Variants in LDB2 observed in about 807,000 individuals in gnomAD.
The protein encoded by LDB2 is LIM domain-binding protein 2.
Under a neutral mutation model 44.3 loss-of-function variants are expected in LDB2, and 12 were observed. The observed-to-expected ratio is 0.27, with a 90% CI of 0.17 to 0.44. The LOEUF is 0.44. Ranked by LOEUF, LDB2 falls within the 20% of genes least tolerant of loss-of-function variation. The pLI is 1.00. For synonymous variants in LDB2, 164 were observed against 174.8 expected, an observed-to-expected ratio of 0.94 and a Z score of 0.49; for missense variants, 344 against 473.5, an observed-to-expected ratio of 0.73 and a Z score of 2.54.
chr4:16,778,020 C>T (rs1772331603), intron 1 of LDB2, among the ~76,000 whole-genome samples: 1 of 152,180 alleles, frequency 6.6e-6, no homozygotes, highest in South Asian at 2.1e-4. Context: ...CACCGCTGCT[C>T]CCAGAGCCCT....
At chr4:16,629,187 G>A (rs1361291784) in intron 2 of LDB2, among the ~76,000 whole-genome samples, 1 of 152,170 alleles carries the variant, frequency 6.6e-6, no homozygotes, top group East Asian at 1.9e-4. Context: ...TTCCACCTCT[G>A]GGGGCAGGGC....
intron 5 of LDB2, among the ~76,000 whole-genome samples, chr4:16,562,630 A>G (rs1183991165): frequency 1.3e-5 from 2 of 152,252 alleles, no homozygotes; most frequent in Non-Finnish European, 2.9e-5. Flanking sequence ...ACTGTAAACT[A>G]GTTCAACCAT....
chr4:16,811,347 C>A (rs771522373), intron 1 of LDB2, among the ~76,000 whole-genome samples: 3 of 152,160 alleles, frequency 2.0e-5, no homozygotes, highest in Non-Finnish European at 4.4e-5. Context: ...TATATTTACT[C>A]AGTTGATGCT....
intron 2 of LDB2, among the ~76,000 whole-genome samples, chr4:16,682,676 G>A (rs1156617693): frequency 6.6e-6 from 1 of 152,150 alleles, no homozygotes; most frequent in Admixed American, 6.5e-5. Context: ...TTCCCCAGAG[G>A]TCAACTTAGC....
At chr4:16,727,282 C>A (rs1024529411) in intron 2 of LDB2, among the ~76,000 whole-genome samples, 3 of 152,156 alleles carry the variant, frequency 2.0e-5, no homozygotes, top group Non-Finnish European at 4.4e-5. Context: ...AGGGGAGGTT[C>A]TTTTCTGCAG....
chr4:16,858,469 C>T (rs1789828408), intron 1 of LDB2, among the ~76,000 whole-genome samples: 1 of 152,198 alleles, frequency 6.6e-6, no homozygotes, highest in African/African-American at 2.4e-5. Flanking sequence ...AGGGACCGTT[C>T]AGGTGAAAAG....
intron 2 of LDB2, among the ~76,000 whole-genome samples, chr4:16,710,497 C>T (rs1162265049): frequency 6.6e-6 from 1 of 152,006 alleles, no homozygotes; most frequent in Non-Finnish European, 1.5e-5. Flanking sequence ...ATCCAGGCTT[C>T]CCGAGGAATC....
intron 1 of LDB2, among the ~76,000 whole-genome samples, chr4:16,776,020 G>A (rs904888910): frequency 6.6e-6 from 1 of 152,192 alleles, no homozygotes; most frequent in Non-Finnish European, 1.5e-5. Flanking sequence ...CAAGAGAAAA[G>A]AGAGCTTTAG....
intron 1 of LDB2, among the ~76,000 whole-genome samples, chr4:16,801,676 T>C (rs1266391324): frequency 2.0e-5 from 3 of 152,220 alleles, no homozygotes; most frequent in Non-Finnish European, 1.5e-5. Context: ...TTCATCACTC[T>C]TCCTATGAAA....
At chr4:16,774,744 CCT>C (rs143210759) in intron 1 of LDB2, among the ~76,000 whole-genome samples, 5,343 of 152,162 alleles carry the variant, frequency 0.035, 321 homozygotes, top group African/African-American at 0.12. Context: ...CCTTTGAACT[CCT>C]CTTTGTGTTT....
At position 16,595,789 on chromosome 4, in the gene LDB2, T is replaced by G. The variant is rs532806499; in HGVS notation, c.322A>C (p.Lys108Gln). The G allele has an allele frequency of 6.2e-7, 1 of 1,613,742 alleles. No individual in the cohort carries two copies. Among genetic ancestry groups the G allele is most frequent in the East Asian group, 2.2e-5 (1 of 44,858 alleles). Residue 108 changes from lysine to glutamine, a missense_variant, in exon 3 of 8, where the codon AAA becomes CAA. Lys to Gln is a moderately conservative substitution (Grantham distance 53, BLOSUM62 1). This residue lies in a region of LDB2 where 226 missense variants were observed against 270.1 expected (regional missense o/e 0.84). Coordinates refer to ENST00000304523, the MANE Select transcript of LDB2 (RefSeq NM_001290.5). ...TDLYYILKHS[K>Q]ESYHNSSITV... ...ATGGATGAGTTGTGGTATGACTCTT[T>G]CGAGTGTTTGAGAATGTAATACAGG...
chr4:16,571,936 T>C (rs2152401305), intron 5 of LDB2, among the ~76,000 whole-genome samples: 1 of 152,328 alleles, frequency 6.6e-6, no homozygotes, highest in East Asian at 1.9e-4. Flanking sequence ...CCACCTATAG[T>C]GTGCCTTAAA....
intron 1 of LDB2, among the ~76,000 whole-genome samples, chr4:16,873,829 G>A (rs1385941434): frequency 6.6e-6 from 1 of 152,068 alleles, no homozygotes; most frequent in Admixed American, 6.5e-5. Flanking sequence ...CAGTTTCAGT[G>A]TTTCAGCAGG....
At chr4:16,865,730 C>G (rs1158549211) in intron 1 of LDB2, among the ~76,000 whole-genome samples, 2 of 152,200 alleles carry the variant, frequency 1.3e-5, no homozygotes, top group Non-Finnish European at 2.9e-5. Flanking sequence ...TGGGGATAAT[C>G]CAATTTGACT....
At chr4:16,870,288 C>T (rs189143750) in intron 1 of LDB2, among the ~76,000 whole-genome samples, 8 of 152,206 alleles carry the variant, frequency 5.3e-5, no homozygotes, top group South Asian at 2.1e-4. Flanking sequence ...CAAAAAGGAG[C>T]GAAGGCTTAT....
At chr4:16,578,935 CCAGG>C (rs1420262159) in intron 5 of LDB2, among the ~76,000 whole-genome samples, 1 of 151,960 alleles carries the variant, frequency 6.6e-6, no homozygotes, top group Admixed American at 6.6e-5. Flanking sequence ...GTGAAATAAG[CCAGG>C]CACAGAAAGA....
intron 2 of LDB2, among the ~76,000 whole-genome samples, chr4:16,676,558 A>T (rs979294431): frequency 6.6e-6 from 1 of 152,232 alleles, no homozygotes; most frequent in Non-Finnish European, 1.5e-5. Flanking sequence ...AAAAAAATCT[A>T]TCAACCAGTA....
chr4:16,713,031 C>T (rs142995228), intron 2 of LDB2, among the ~76,000 whole-genome samples: 48 of 152,216 alleles, frequency 3.2e-4, no homozygotes, highest in Non-Finnish European at 5.7e-4. Flanking sequence ...TAGAAAGGAA[C>T]GAAGTAATGA....
chr4:16,795,682 T>C, intron 1 of LDB2, among the ~76,000 whole-genome samples: 1 of 152,144 alleles, frequency 6.6e-6, no homozygotes. Context: ...CTTATGACAC[T>C]GATCTGTAAT....
Sources: allele counts gnomAD v4.1 joint callset (sites outside exome capture counted in the v4.1 genomes callset), GRCh38; gene constraint gnomAD v4.1.1; regional missense constraint gnomAD v4.1.1; transcripts MANE v1.5; gene names NCBI Gene and HGNC (gene_info 2026-07-23, HGNC 2026-07-21).